ERLIN2: variants seen among roughly 807,000 people sequenced by gnomAD.
ERLIN2 encodes the protein ER lipid raft associated 2.
In ERLIN2, 22 loss-of-function variants were observed where a neutral mutation model predicts 41.5. The observed-to-expected ratio is 0.53, with a 90% CI of 0.38 to 0.76. The LOEUF (loss-of-function observed/expected upper bound fraction) is 0.76, where lower values mean the gene tolerates loss of function less well. Ranked by LOEUF, ERLIN2 falls within the 30% of genes least tolerant of loss-of-function variation. ERLIN2 has a pLI of 0.00. For synonymous variants in ERLIN2, 149 were observed against 150.9 expected (o/e 0.99, Z 0.09); for missense variants, 247 against 414.3 (o/e 0.60, Z 3.51).
At position 37,757,244 on chromosome 8, in the gene ERLIN2, CTA is replaced by C. The variant is rs1043752144; in HGVS notation, c.*3133_*3134del. ...TCTATTTAAGTTTGATGGAGATAAA[CTA>C]TATCTTGGCTAGTGGCTACTGTGTC... On this transcript the variant is annotated 3_prime_UTR_variant, in exon 12 of 12. Coordinates refer to ENST00000519638, the MANE Select transcript of ERLIN2 (RefSeq NM_007175.8). The C allele has an allele frequency of 6.6e-6, 1 of 152,108 alleles. No individual in the cohort carries two copies. The highest frequency in any genetic ancestry group is 1.5e-5 in the Non-Finnish European group (1 of 68,024). 9.4% of individuals were successfully genotyped at this position (152,108 alleles called of 1,614,324 possible).
chr8:37,741,450 C>G lies in ERLIN2; in HGVS notation c.190-322C>G. ...GTTTCAAGCATCCACTGGGGGCCTT[C>G]GAACATAAAGCGGTGCCTAACATAA... On this transcript the variant is annotated intron_variant, in intron 3 of 11. Coordinates refer to ENST00000519638, the MANE Select transcript of ERLIN2 (RefSeq NM_007175.8). The surrounding 1 kb of genome is among the most constrained non-coding windows in gnomAD (Gnocchi z 4.8). 6.6e-6 allele frequency among the ~76,000 whole-genome samples: 1 copy of G among 152,156 alleles called. No individual in the cohort carries two copies. The highest frequency in any genetic ancestry group is 1.5e-5 in the Non-Finnish European group (1 of 68,034).
chr8:37,746,859 T>C (rs1336483191), intron 6 of ERLIN2, among the ~76,000 whole-genome samples: 1 of 152,218 alleles, frequency 6.6e-6, no homozygotes, highest in Non-Finnish European at 1.5e-5. Context: ...CCACAACCAA[T>C]TCCAAGAACC....
In ERLIN2 at chr8:37,755,334, T is replaced by C. The variant is rs1379555906; in HGVS notation, c.*1219T>C. 1 of 152,246 alleles carries C rather than the reference T, an allele frequency of 6.6e-6. No individual in the cohort carries two copies. The highest frequency in any genetic ancestry group is 1.5e-5 in the Non-Finnish European group (1 of 68,062). 9.4% of individuals were successfully genotyped at this position (152,246 alleles called of 1,614,324 possible). A position where few individuals can be genotyped will look rare whatever the true frequency, so the allele number is the denominator to read the frequency against. On this transcript the variant is annotated 3_prime_UTR_variant, in exon 12 of 12. Coordinates refer to ENST00000519638, the MANE Select transcript of ERLIN2 (RefSeq NM_007175.8). Reference sequence around the variant, plus strand: ...TTTTTCATTACTAGGTCAGAACATTTTGAGTCACCTTGGGAGATTCAGGAT... The same window carrying C: ...TTTTTCATTACTAGGTCAGAACATTCTGAGTCACCTTGGGAGATTCAGGAT...
At chr8:37,739,550 A>G (rs1802778785) in intron 2 of ERLIN2, among the ~76,000 whole-genome samples, 1 of 151,658 alleles carries the variant, frequency 6.6e-6, no homozygotes, top group Admixed American at 6.6e-5. Flanking sequence ...ATCTTGGTTC[A>G]CTGCAACCTC....
intron 6 of ERLIN2, chr8:37,746,195 G>A: frequency 1.0e-6 from 1 of 986,360 alleles, no homozygotes; most frequent in South Asian, 4.7e-5. Context: ...TCTAGTCCTG[G>A]CCCTTCAACT....
chr8:37,750,347 AG>A (rs1803189502), intron 8 of ERLIN2, 47 bp from the exon 9 acceptor site: 1 of 1,428,236 alleles, frequency 7.0e-7, no homozygotes, highest in African/African-American at 1.4e-5. Flanking sequence ...GGGATAGTGA[AG>A]CTCCTGAGTT....
rs111604667 is a variant in ERLIN2 at position 37,753,782 on chromosome 8, T to C, written c.820-133T>C. 47 of 844,970 alleles carry C rather than the reference T, an allele frequency of 5.6e-5. 1 individual carries two copies. In the African/African-American group the frequency reaches 6.7e-4, roughly 12 times the overall value. 52.3% of individuals were successfully genotyped at this position (844,970 alleles called of 1,614,324 possible). A position where few individuals can be genotyped will look rare whatever the true frequency, so the allele number is the denominator to read the frequency against. On this transcript the variant is annotated intron_variant, in intron 11 of 11. Coordinates refer to ENST00000519638, the MANE Select transcript of ERLIN2 (RefSeq NM_007175.8). ...CTCCAAGATCTGAGATGACTGTCTC[T>C]TACAGAAATGTAACAATGAGACCAC...
intron 3 of ERLIN2, 40 bp downstream of exon 3, chr8:37,740,486 C>T (rs1438143024): frequency 6.7e-7 from 1 of 1,495,252 alleles, no homozygotes; most frequent in Non-Finnish European, 9.3e-7. Flanking sequence ...CGACTGCAAA[C>T]TTGGGCTGTT....
At position 37,744,656 on chromosome 8, in the gene ERLIN2, C is replaced by T. The variant is rs200292614; in HGVS notation, c.384C>T (p.Cys128=). 64 of 1,614,036 alleles carry T rather than the reference C, an allele frequency of 4.0e-5. 1 individual carries two copies. The Middle Eastern group carries it at 1.2e-3, about 29-fold the overall frequency. The change falls in exon 6 of 12, where the codon TGC becomes TGT. Residue 128 remains cysteine (C), a synonymous_variant. Transcript: ENST00000519638. ...NKIHHELNQF[C]SVHTLQEVYI... is the part of the protein sequence containing the mutation. ...TCCACCACGAACTGAACCAGTTCTG[C>T]AGTGTGCACACGCTTCAAGAGGTCT...
At chr8:37,746,478 G>A in intron 6 of ERLIN2, 6 of 982,510 alleles carry the variant, frequency 6.1e-6, no homozygotes, top group Non-Finnish European at 6.0e-6. Flanking sequence ...GAAGCAGTGT[G>A]ACATAAAATA....
At chr8:37,750,348 G>T (rs373438356) in intron 8 of ERLIN2, 47 bp from the exon 9 acceptor site, 1 of 1,439,934 alleles carries the variant, frequency 6.9e-7, no homozygotes, top group Non-Finnish European at 9.8e-7. Context: ...GGATAGTGAA[G>T]CTCCTGAGTT....
chr8:37,750,722 CT>C (rs1803199325), intron 9 of ERLIN2, among the ~76,000 whole-genome samples: 2 of 151,896 alleles, frequency 1.3e-5, no homozygotes, highest in Middle Eastern at 3.4e-3. Flanking sequence ...CCTGTTAATT[CT>C]TTCTTTTTTT....
intron 9 of ERLIN2, among the ~76,000 whole-genome samples, chr8:37,751,385 C>T (rs1415701042): frequency 1.3e-5 from 2 of 152,212 alleles, no homozygotes; most frequent in Non-Finnish European, 2.9e-5. Context: ...GAGAAGTTCC[C>T]TTGTGAAGTT....
Position 37,753,967 on chromosome 8 carries a change from C to T in ERLIN2, c.872C>T (p.Ser291Phe). ...CTGATGAAGTACAAGGCCATTGCTT[C>T]CAACAGCAAGATTTACTTTGGCAAA... ...LQLMKYKAIASNSKIYFGKDI... is the reference protein window; with the variant it reads ...LQLMKYKAIAFNSKIYFGKDI... The change falls in exon 12 of 12, where the codon TCC becomes TTC. Residue 291 changes from serine to phenylalanine, a missense_variant. By Grantham distance (155) the Ser-to-Phe change is radical. Coordinates refer to ENST00000519638, the MANE Select transcript of ERLIN2 (RefSeq NM_007175.8). 1 of 1,613,734 alleles carries T rather than the reference C, an allele frequency of 6.2e-7. No homozygotes were observed. Among genetic ancestry groups the T allele is most frequent in the Non-Finnish European group, 8.5e-7 (1 of 1,179,826 alleles).
In ERLIN2 at chr8:37,740,639, G is replaced by A. The variant is rs1008056106; in HGVS notation, c.189+193G>A. ...ATACACTATATATATATAAAATGAG[G>A]CTGGGGATTATTCCTTCAAGATAAA... On this transcript the variant is annotated intron_variant, in intron 3 of 11. Transcript: ENST00000519638. The A allele has an allele frequency of 1.8e-5, 3 of 170,462 alleles. No individual in the cohort carries two copies. The East Asian group carries it at 4.9e-4, about 28-fold the overall frequency. 10.6% of individuals were successfully genotyped at this position (170,462 alleles called of 1,614,324 possible).
At position 37,741,823 on chromosome 8, in the gene ERLIN2, G is replaced by A; in HGVS notation, c.236+5G>A. Reference sequence around the variant, plus strand: ...GAATGTACCTTGTGGGACTAGGTAAGGTACCCAGAATAAAGCTTTTAAGCC... The same window carrying A: ...GAATGTACCTTGTGGGACTAGGTAAAGTACCCAGAATAAAGCTTTTAAGCC... On this transcript the variant is annotated splice_donor_5th_base_variant and intron_variant, in intron 4 of 11. Transcript: ENST00000519638. The surrounding 1 kb of genome is among the most constrained non-coding windows in gnomAD (Gnocchi z 4.8). 1 of 1,610,860 alleles carries A rather than the reference G, an allele frequency of 6.2e-7. No individual in the cohort carries two copies. Among genetic ancestry groups the A allele is most frequent in the Non-Finnish European group, 8.5e-7 (1 of 1,177,026 alleles).
rs1803321359 is a variant in ERLIN2 at position 37,754,982 on chromosome 8, G to C, written c.*867G>C. 6.6e-6 allele frequency: 1 copy of C among 152,324 alleles called. No individual in the cohort carries two copies. The highest frequency in any genetic ancestry group is 1.5e-5 in the Non-Finnish European group (1 of 68,140). 9.4% of individuals were successfully genotyped at this position (152,324 alleles called of 1,614,324 possible). ...CTGCAGGACCTGCCTGACAGGTTAT[G>C]TGTGCACCTCGAGATGAAGTGTCTT... is the stretch of plus-strand genomic sequence containing the variant. On this transcript the variant is annotated 3_prime_UTR_variant, in exon 12 of 12. Transcript: ENST00000519638.
At chr8:37,739,212 C>G (rs1047777738) in intron 2 of ERLIN2, among the ~76,000 whole-genome samples, 4 of 152,196 alleles carry the variant, frequency 2.6e-5, no homozygotes, top group African/African-American at 9.7e-5. Context: ...TTCCTCTCTC[C>G]TTTAATTCTT....
chr8:37,737,747 A>T (rs1802703289), intron 1 of ERLIN2, 161 bp from the exon 2 acceptor site: 1 of 745,922 alleles, frequency 1.3e-6, no homozygotes, highest in African/African-American at 1.8e-5. Flanking sequence ...GTTGACTGAG[A>T]ACGAGGAGGA....
Sources: allele counts gnomAD v4.1 joint callset (sites outside exome capture counted in the v4.1 genomes callset), GRCh38; gene constraint gnomAD v4.1.1; non-coding constraint Gnocchi (gnomAD v3.1); transcripts MANE v1.5; gene names NCBI Gene and HGNC (gene_info 2026-07-23, HGNC 2026-07-21).